Variants in NRXN1 observed in about 807,000 individuals in gnomAD.
NRXN1 encodes the protein neurexin 1, also known as neurexin-1.
In NRXN1, 39 loss-of-function variants were observed where a neutral mutation model predicts 150.9. That is an observed-to-expected ratio of 0.26 (90% CI 0.20 to 0.34). The LOEUF is 0.34. NRXN1 is among the 10% of genes least tolerant of loss of function. The pLI is 1.00. For missense variants in NRXN1, 1,815 were observed against 1,949.9 expected, an observed-to-expected ratio of 0.93 and a Z score of 1.30; for synonymous variants, 924 against 757.0, an observed-to-expected ratio of 1.22 and a Z score of -3.62.
At chr2:50,601,476 G>A (rs1013678230) in intron 8 of NRXN1, among the ~76,000 whole-genome samples, 2 of 152,154 alleles carry the variant, frequency 1.3e-5, no homozygotes, top group Non-Finnish European at 2.9e-5. Flanking sequence ...TATCACAATT[G>A]ATTATTCAAA....
intron 9 of NRXN1, among the ~76,000 whole-genome samples, chr2:50,551,861 T>G (rs1667592986): frequency 6.6e-6 from 1 of 152,026 alleles, no homozygotes; most frequent in Non-Finnish European, 1.5e-5. Context: ...GCTTCCTGGA[T>G]GATTATTTCC....
intron 8 of NRXN1, among the ~76,000 whole-genome samples, chr2:50,559,193 T>C (rs1334446086): frequency 1.3e-5 from 2 of 152,226 alleles, no homozygotes; most frequent in Non-Finnish European, 2.9e-5. Flanking sequence ...CATCTCCTTA[T>C]ATCAGTGCAC....
chr2:50,171,423 C>T (rs1248357822), intron 18 of NRXN1, among the ~76,000 whole-genome samples: 1 of 145,062 alleles, frequency 6.9e-6, no homozygotes, highest in African/African-American at 2.5e-5. Flanking sequence ...CATTTTTAGG[C>T]CCCATTAATG....
chr2:50,284,564 T>C (rs999440379), intron 17 of NRXN1, among the ~76,000 whole-genome samples: 1 of 152,202 alleles, frequency 6.6e-6, no homozygotes, highest in African/African-American at 2.4e-5. Flanking sequence ...CTTTCCATCA[T>C]CCACGTAGGG....
At chr2:50,829,359 C>G in intron 5 of NRXN1, 1 of 872,698 alleles carries the variant, frequency 1.1e-6, no homozygotes, top group Admixed American at 2.2e-5. Flanking sequence ...AACTCCCAAA[C>G]TCAGGTGATC....
At chr2:50,976,165 T>C (rs965248148) in intron 2 of NRXN1, among the ~76,000 whole-genome samples, 46 of 151,776 alleles carry the variant, frequency 3.0e-4, no homozygotes, top group Non-Finnish European at 1.5e-4. Flanking sequence ...TCTATTAATT[T>C]ACTTTGCAAT....
intron 21 of NRXN1, chr2:49,974,046 T>C: frequency 1.4e-6 from 1 of 717,406 alleles, no homozygotes; most frequent in Non-Finnish European, 2.6e-6. Context: ...TCTTAATTCT[T>C]AATGGAAATC....
At chr2:51,022,124 T>C (rs1177218546) in intron 2 of NRXN1, among the ~76,000 whole-genome samples, 3 of 152,000 alleles carry the variant, frequency 2.0e-5, no homozygotes, top group East Asian at 3.9e-4. Flanking sequence ...ACATTTAAAT[T>C]TTGCTTGAAA....
At chr2:49,933,188 G>A (rs766756793) in intron 22 of NRXN1, among the ~76,000 whole-genome samples, 1 of 152,006 alleles carries the variant, frequency 6.6e-6, no homozygotes, top group African/African-American at 2.4e-5. Flanking sequence ...CCAGATTCAC[G>A]CCATTCTCCT....
chr2:50,721,023 C>G (rs1318658780), intron 5 of NRXN1, among the ~76,000 whole-genome samples: 1 of 152,156 alleles, frequency 6.6e-6, no homozygotes, highest in Non-Finnish European at 1.5e-5. Flanking sequence ...CCTTGTTCAT[C>G]TTTGAACCTC....
chr2:50,796,710 C>T (rs554836336), intron 5 of NRXN1, among the ~76,000 whole-genome samples: 4 of 152,252 alleles, frequency 2.6e-5, no homozygotes, highest in African/African-American at 9.6e-5. Context: ...AGTCCCGGCT[C>T]CCTCACATTA....
intron 17 of NRXN1, among the ~76,000 whole-genome samples, chr2:50,413,110 G>A (rs1341317807): frequency 6.6e-6 from 1 of 152,080 alleles, no homozygotes. Flanking sequence ...AAAAGCTTCT[G>A]CACAGAAAAG....
chr2:50,795,575 C>A (rs988137409), intron 5 of NRXN1, among the ~76,000 whole-genome samples: 1 of 151,832 alleles, frequency 6.6e-6, no homozygotes, highest in Admixed American at 6.6e-5. Flanking sequence ...CCCTTCCTCA[C>A]TCCCCAATTC....
chr2:50,984,134 ATTTTTTTTTTT>A (rs70958636), intron 2 of NRXN1, among the ~76,000 whole-genome samples: 25 of 72,810 alleles, frequency 3.4e-4, no homozygotes, highest in African/African-American at 1.4e-3. Flanking sequence ...CGCCAGGCTA[ATTTTTTTTTTT>A]TTTTTTTTTT....
chr2:50,572,439 A>G (rs1670799245), intron 8 of NRXN1, among the ~76,000 whole-genome samples: 1 of 152,204 alleles, frequency 6.6e-6, no homozygotes, highest in African/African-American at 2.4e-5. Flanking sequence ...TTTCTTTCAT[A>G]AGAATAGACT....
chr2:50,042,239 A>G (rs545203578), intron 21 of NRXN1, among the ~76,000 whole-genome samples: 1 of 152,246 alleles, frequency 6.6e-6, no homozygotes, highest in South Asian at 2.1e-4. Flanking sequence ...GTCCCCACCC[A>G]AATCTCATCT....
intron 5 of NRXN1, among the ~76,000 whole-genome samples, chr2:50,759,826 C>CTGTGTGTGTGTG (rs72209781): frequency 2.7e-4 from 38 of 142,406 alleles, no homozygotes; most frequent in African/African-American, 4.7e-4. Context: ...TCTAACTAAG[C>CTGTGTGTGTGTG]TGTGTGTGTG....
chr2:50,673,218 A>G (rs1689098118), intron 5 of NRXN1, among the ~76,000 whole-genome samples: 1 of 152,116 alleles, frequency 6.6e-6, no homozygotes, highest in Non-Finnish European at 1.5e-5. Flanking sequence ...CCCAAAAATT[A>G]TCTAGCACAA....
intron 18 of NRXN1, among the ~76,000 whole-genome samples, chr2:50,163,684 G>A (rs527312864): frequency 6.6e-6 from 1 of 152,008 alleles, no homozygotes; most frequent in Non-Finnish European, 1.5e-5. Context: ...AATAGAAATT[G>A]GTCCTTATTC....
Sources: gnomAD v4.1 joint callset for allele counts (sites outside exome capture counted in the v4.1 genomes callset) on GRCh38, gnomAD v4.1.1 for gene constraint, MANE v1.5 for transcripts, NCBI Gene and HGNC (gene_info 2026-07-23, HGNC 2026-07-21) for gene names.